NKAIN3: variants seen among roughly 807,000 people sequenced by gnomAD.
The protein encoded by NKAIN3 is sodium/potassium transporting ATPase interacting 3.
In NKAIN3, 25 loss-of-function variants were observed where a neutral mutation model predicts 30.2. The ratio of observed to expected loss-of-function variants is 0.83; its 90% CI spans 0.60 to 1.16. NKAIN3 has a LOEUF of 1.16. NKAIN3 is among the 50% of genes most tolerant of loss of function. NKAIN3 has a pLI of 0.00. For synonymous variants in NKAIN3, 91 were observed against 89.6 expected, an observed-to-expected ratio of 1.02 and a Z score of -0.09; for missense variants, 225 against 254.1, an observed-to-expected ratio of 0.89 and a Z score of 0.78.
At chr8:62,284,795 T>A (rs1437840227) in intron 1 of NKAIN3, among the ~76,000 whole-genome samples, 1 of 152,080 alleles carries the variant, frequency 6.6e-6, no homozygotes, top group Non-Finnish European at 1.5e-5. Context: ...AAAAAAACTC[T>A]GAAAACTGGA....
At chr8:62,710,560 C>T (rs1016424885) in intron 3 of NKAIN3, among the ~76,000 whole-genome samples, 2 of 152,020 alleles carry the variant, frequency 1.3e-5, no homozygotes, top group African/African-American at 2.4e-5. Flanking sequence ...TTTTAGTGTC[C>T]ATTTGCATGA....
chr8:62,421,833 T>C (rs772821270), intron 1 of NKAIN3, among the ~76,000 whole-genome samples: 1 of 152,082 alleles, frequency 6.6e-6, no homozygotes, highest in Non-Finnish European at 1.5e-5. Flanking sequence ...TCCCATTTTT[T>C]ATATATTGGG....
At chr8:62,455,854 A>G (rs571338024) in intron 1 of NKAIN3, among the ~76,000 whole-genome samples, 95 of 152,310 alleles carry the variant, frequency 6.2e-4, no homozygotes, top group Non-Finnish European at 8.8e-4. Context: ...ATATACAGTA[A>G]TCCCCCTTAT....
At chr8:62,743,966 C>T (rs958035746) in intron 3 of NKAIN3, among the ~76,000 whole-genome samples, 15 of 152,046 alleles carry the variant, frequency 9.9e-5, no homozygotes, top group Non-Finnish European at 2.1e-4. Flanking sequence ...AGCTCTTACA[C>T]AGAAAGGCAA....
At chr8:62,587,156 T>G (rs566651257) in intron 2 of NKAIN3, among the ~76,000 whole-genome samples, 1 of 152,124 alleles carries the variant, frequency 6.6e-6, no homozygotes, top group South Asian at 2.1e-4. Context: ...TGGCCATATT[T>G]GTATCTCTAG....
At chr8:62,852,286 G>C (rs1489792036) in intron 4 of NKAIN3, among the ~76,000 whole-genome samples, 2 of 151,984 alleles carry the variant, frequency 1.3e-5, no homozygotes, top group East Asian at 3.9e-4. Context: ...TATTTCTGTG[G>C]GATCGGTGGT....
chr8:62,401,984 C>T lies in NKAIN3; in HGVS notation c.54+152857C>T, dbSNP rs189943103. 2.5e-3 allele frequency among the ~76,000 whole-genome samples: 382 copies of T among 152,286 alleles called. 2 individuals carry two copies. The highest frequency in any genetic ancestry group is 8.9e-3 in the African/African-American group (368 of 41,554). On this transcript the variant is annotated intron_variant, in intron 1 of 6. Coordinates refer to ENST00000623646, the MANE Select transcript of NKAIN3 (RefSeq NM_001304533.3). ...TCTGCTGGTGGTGAAACCATCCAGGCTTTTCTCTCAACCTTCAGGGCTTCA... is the reference window on the plus strand; with the variant it reads ...TCTGCTGGTGGTGAAACCATCCAGGTTTTTCTCTCAACCTTCAGGGCTTCA...
At chr8:62,430,210 C>T (rs529278986) in intron 1 of NKAIN3, among the ~76,000 whole-genome samples, 1 of 151,858 alleles carries the variant, frequency 6.6e-6, no homozygotes, top group Admixed American at 6.6e-5. Context: ...AATAATATCC[C>T]ATTTTATAGG....
At chr8:62,649,606 G>T (rs528565448) in intron 3 of NKAIN3, among the ~76,000 whole-genome samples, 11 of 152,322 alleles carry the variant, frequency 7.2e-5, no homozygotes, top group Admixed American at 4.6e-4. Flanking sequence ...CCTCAGTAAG[G>T]ATGGTGTCAG....
chr8:62,719,240 C>T (rs184172114), intron 3 of NKAIN3, among the ~76,000 whole-genome samples: 107 of 152,234 alleles, frequency 7.0e-4, no homozygotes, highest in African/African-American at 2.3e-3. Flanking sequence ...CAAAGCTTAA[C>T]AAGAACAATA....
intron 3 of NKAIN3, among the ~76,000 whole-genome samples, chr8:62,627,019 G>T (rs529992634): frequency 1.9e-4 from 29 of 152,262 alleles, no homozygotes; most frequent in Admixed American, 1.0e-3. Flanking sequence ...CCAGAGCTAG[G>T]AAAGAACTAA....
chr8:62,720,599 G>C (rs1815057700), intron 3 of NKAIN3, among the ~76,000 whole-genome samples: 1 of 152,116 alleles, frequency 6.6e-6, no homozygotes, highest in Admixed American at 6.5e-5. Context: ...CAGTCTTTCT[G>C]ACTAAGCTAA....
rs377162302 is a variant in NKAIN3 at position 62,485,250 on chromosome 8, G to A, written c.55-94289G>A. ...GTGACTGTGGCAGTGAGAATCCATG[G>A]GTCAACTGTGAGGTAAATGTTCTTA... On this transcript the variant is annotated intron_variant, in intron 1 of 6. Transcript: ENST00000623646. 3.3e-5 allele frequency among the ~76,000 whole-genome samples: 5 copies of A among 152,190 alleles called. No individual in the cohort carries two copies. In the East Asian group the frequency reaches 9.7e-4, roughly 29 times the overall value.
At chr8:62,709,852 C>T (rs1434738261) in intron 3 of NKAIN3, among the ~76,000 whole-genome samples, 1 of 151,988 alleles carries the variant, frequency 6.6e-6, no homozygotes, top group African/African-American at 2.4e-5. Flanking sequence ...TTGATGTAGG[C>T]ATTTAGGGCT....
At chr8:62,518,374 G>C (rs1027931331) in intron 1 of NKAIN3, among the ~76,000 whole-genome samples, 2 of 151,954 alleles carry the variant, frequency 1.3e-5, no homozygotes, top group African/African-American at 4.8e-5. Context: ...AACAAAAAAA[G>C]ATATCCAGTT....
rs555913687 is a variant in NKAIN3, at chr8:62,739,217, C to T, written c.274-7715C>T. Among the ~76,000 whole-genome samples the T allele has an allele frequency of 1.5e-4, 22 of 151,714 alleles. No individual in the cohort carries two copies. In the South Asian group the frequency reaches 4.4e-3, roughly 30 times the overall value. On this transcript the variant is annotated intron_variant, in intron 3 of 6. Transcript: ENST00000623646. Reference sequence around the variant, plus strand: ...CCATGGCACTTGTATACCTATGTAACAAACTTGCACATTCTGCACACATAA... The same window carrying T: ...CCATGGCACTTGTATACCTATGTAATAAACTTGCACATTCTGCACACATAA...
chr8:62,362,972 A>C (rs896120649), intron 1 of NKAIN3, among the ~76,000 whole-genome samples: 1 of 152,140 alleles, frequency 6.6e-6, no homozygotes, highest in African/African-American at 2.4e-5. Flanking sequence ...GATTAAGGTA[A>C]TGTTACAGGC....
intron 4 of NKAIN3, among the ~76,000 whole-genome samples, chr8:62,796,543 T>A (rs1817868004): frequency 6.6e-6 from 1 of 152,102 alleles, no homozygotes; most frequent in Non-Finnish European, 1.5e-5. Context: ...GCAGCCAATC[T>A]GAATTCCTCA....
chr8:62,877,003 GGA>G (rs1299759134), intron 4 of NKAIN3, among the ~76,000 whole-genome samples: 5 of 151,310 alleles, frequency 3.3e-5, no homozygotes, highest in African/African-American at 9.7e-5. Flanking sequence ...AAAAAGAAAA[GGA>G]GAGAGAGAGA....
Sources: gnomAD v4.1 joint callset for allele counts (sites outside exome capture counted in the v4.1 genomes callset) on GRCh38, gnomAD v4.1.1 for gene constraint, MANE v1.5 for transcripts, NCBI Gene and HGNC (gene_info 2026-07-23, HGNC 2026-07-21) for gene names.